The following PLXDC2 variants were observed in gnomAD, a reference collection of about 807,000 sequenced individuals.
The protein encoded by PLXDC2 is plexin domain-containing protein 2.
A neutral mutation model predicts 68.9 loss-of-function variants in PLXDC2; 40 were observed. That is an observed-to-expected ratio of 0.58 (90% CI 0.45 to 0.76). The LOEUF (loss-of-function observed/expected upper bound fraction) is 0.76, where lower values mean the gene tolerates loss of function less well. Ranked by LOEUF, PLXDC2 falls within the 30% of genes least tolerant of loss-of-function variation. The pLI, the probability that PLXDC2 is intolerant of heterozygous loss-of-function variation, is 0.00. For missense variants in PLXDC2, 644 were observed against 661.9 expected (o/e 0.97, Z 0.30); for synonymous variants, 243 against 234.2 (o/e 1.04, Z -0.34).
At chr10:19,976,804 A>G (rs1834464709) in intron 1 of PLXDC2, among the ~76,000 whole-genome samples, 1 of 150,430 alleles carries the variant, frequency 6.6e-6, no homozygotes, top group African/African-American at 2.4e-5. Flanking sequence ...CTTCTGGAAT[A>G]ATATTTTCTG....
chr10:19,890,964 G>A (rs1038548777), intron 1 of PLXDC2, among the ~76,000 whole-genome samples: 1 of 151,910 alleles, frequency 6.6e-6, no homozygotes, highest in Admixed American at 6.6e-5. Flanking sequence ...CCCACTCCTT[G>A]CTGCTTTCCT....
chr10:19,842,552 C>A (rs77555313), intron 1 of PLXDC2, among the ~76,000 whole-genome samples: 1 of 152,182 alleles, frequency 6.6e-6, no homozygotes, highest in Non-Finnish European at 1.5e-5. Context: ...CATTTAACCA[C>A]CTTATTTTCC....
chr10:20,134,302 A>T (rs1833906029), intron 4 of PLXDC2, among the ~76,000 whole-genome samples: 1 of 152,090 alleles, frequency 6.6e-6, no homozygotes, highest in African/African-American at 2.4e-5. Context: ...GTTACCTTGC[A>T]TTGGTAATGT....
chr10:19,917,352 G>A (rs1373592370), intron 1 of PLXDC2, among the ~76,000 whole-genome samples: 1 of 151,974 alleles, frequency 6.6e-6, no homozygotes, highest in Admixed American at 6.6e-5. Context: ...AGCTCAGCCA[G>A]GCTACCTTAT....
At chr10:20,039,939 G>T (rs73603691) in intron 2 of PLXDC2, among the ~76,000 whole-genome samples, 1 of 151,988 alleles carries the variant, frequency 6.6e-6, no homozygotes, top group Non-Finnish European at 1.5e-5. Flanking sequence ...AGATTATAGC[G>T]TAAGTGCTGA....
At chr10:20,114,902 C>T (rs1833602565) in intron 4 of PLXDC2, among the ~76,000 whole-genome samples, 1 of 152,136 alleles carries the variant, frequency 6.6e-6, no homozygotes, top group South Asian at 2.1e-4. Flanking sequence ...ACTTGAAACC[C>T]AATGTATGAC....
At chr10:20,243,903 G>A (rs12413758) in intron 12 of PLXDC2, among the ~76,000 whole-genome samples, 34,442 of 151,648 alleles carry the variant, frequency 0.23, 3,911 homozygotes, top group East Asian at 0.25. Flanking sequence ...TACTAAAAAT[G>A]CAAAAATTAG....
intron 4 of PLXDC2, among the ~76,000 whole-genome samples, chr10:20,083,489 A>C (rs1018689738): frequency 6.6e-6 from 1 of 151,832 alleles, no homozygotes; most frequent in African/African-American, 2.4e-5. Context: ...AAAAAAAAAA[A>C]AAAAATTACT....
chr10:20,206,895 C>T (rs948570415), intron 9 of PLXDC2, among the ~76,000 whole-genome samples: 1 of 151,892 alleles, frequency 6.6e-6, no homozygotes, highest in Non-Finnish European at 1.5e-5. Flanking sequence ...CACACAGCAC[C>T]TCAGTGGGGA....
At chr10:19,847,591 A>T (rs956740852) in intron 1 of PLXDC2, among the ~76,000 whole-genome samples, 2 of 152,190 alleles carry the variant, frequency 1.3e-5, no homozygotes, top group African/African-American at 4.8e-5. Flanking sequence ...GAACCTTAAC[A>T]AGCCTCCGGG....
intron 12 of PLXDC2, among the ~76,000 whole-genome samples, chr10:20,226,638 G>A (rs1296410669): frequency 6.6e-6 from 1 of 152,184 alleles, no homozygotes; most frequent in Non-Finnish European, 1.5e-5. Flanking sequence ...AGGTTAATTT[G>A]TAGATAGAAT....
chr10:20,218,987 C>A, intron 11 of PLXDC2, 77 bp from the exon 12 acceptor site: 1 of 1,500,704 alleles, frequency 6.7e-7, no homozygotes. Flanking sequence ...AGTTAGTAGA[C>A]AATTACTAGT....
At chr10:20,216,536 C>T (rs573468644) in intron 10 of PLXDC2, among the ~76,000 whole-genome samples, 1 of 152,200 alleles carries the variant, frequency 6.6e-6, no homozygotes, top group Middle Eastern at 3.4e-3. Context: ...GGGAAAGGCA[C>T]CTAGCGCTCC....
In PLXDC2 at chr10:20,286,262, G is replaced by A. The variant is rs1836151547; in HGVS notation, c.*6443G>A. The A allele has an allele frequency of 7.2e-5, 11 of 151,744 alleles. No individual in the cohort carries two copies. The highest frequency in any genetic ancestry group is 7.2e-4 in the Admixed American group (11 of 15,214). The allele number at this position is 151,744 out of a possible 1,614,324, so 9.4% of individuals were successfully genotyped here. ...ACTTTAAACCCAGGATAAAAGGCTG[G>A]AAAAAAAATTAAATGTAAGTCATAA... On this transcript the variant is annotated 3_prime_UTR_variant, in exon 14 of 14. Transcript: ENST00000377252.
At chr10:20,008,670 T>C (rs997014643) in intron 2 of PLXDC2, among the ~76,000 whole-genome samples, 1 of 152,186 alleles carries the variant, frequency 6.6e-6, no homozygotes, top group Admixed American at 6.6e-5. Context: ...ATAGAGATGA[T>C]GTGGTTTGGC....
chr10:19,890,271 T>A (rs922259765), intron 1 of PLXDC2, among the ~76,000 whole-genome samples: 5 of 152,244 alleles, frequency 3.3e-5, no homozygotes, highest in Non-Finnish European at 7.4e-5. Context: ...TTAGATTCAG[T>A]GGGTATATGT....
intron 4 of PLXDC2, among the ~76,000 whole-genome samples, chr10:20,133,820 C>T (rs951976096): frequency 1.3e-5 from 2 of 152,136 alleles, no homozygotes; most frequent in African/African-American, 4.8e-5. Context: ...TCTGCTTCTT[C>T]TGGAACTCCC....
At chr10:20,080,366 C>T (rs1836530211) in intron 4 of PLXDC2, among the ~76,000 whole-genome samples, 1 of 118,646 alleles carries the variant, frequency 8.4e-6, no homozygotes, top group South Asian at 2.7e-4. Context: ...AACAAGCCAT[C>T]AGCAAACTGA....
chr10:19,858,081 C>T (rs972297938), intron 1 of PLXDC2, among the ~76,000 whole-genome samples: 2 of 152,050 alleles, frequency 1.3e-5, no homozygotes, highest in South Asian at 2.1e-4. Context: ...GTTGGCCAAA[C>T]GCTCATCTGG....
Sources: allele counts gnomAD v4.1 joint callset (sites outside exome capture counted in the v4.1 genomes callset), GRCh38; gene constraint gnomAD v4.1.1; transcripts MANE v1.5; gene names NCBI Gene and HGNC (gene_info 2026-07-23, HGNC 2026-07-21).